Variants in NAMPT observed in about 807,000 individuals in gnomAD.
The protein encoded by NAMPT is nicotinamide phosphoribosyltransferase.
Under a neutral mutation model 58.7 loss-of-function variants are expected in NAMPT, and 7 were observed. The observed-to-expected ratio is 0.12, with a 90% confidence interval of 0.07 to 0.22. The LOEUF (loss-of-function observed/expected upper bound fraction) is 0.22, where lower values mean the gene tolerates loss of function less well. Ranked by LOEUF, NAMPT falls within the 10% of genes least tolerant of loss-of-function variation. NAMPT has a pLI of 1.00. For missense variants in NAMPT, 271 were observed against 567.9 expected, an observed-to-expected ratio of 0.48 and a Z score of 5.31; for synonymous variants, 145 against 198.1, an observed-to-expected ratio of 0.73 and a Z score of 2.25.
At chr7:106,270,425 AC>A (rs1183797179) in intron 4 of NAMPT, 73 of 226,866 alleles carry the variant, frequency 3.2e-4, no homozygotes, top group African/African-American at 1.6e-3. Flanking sequence ...AAAAAGATTA[AC>A]CTTGAACTTG....
At chr7:106,263,078 C>T in intron 7 of NAMPT, 1 of 318,742 alleles carries the variant, frequency 3.1e-6, no homozygotes, top group Admixed American at 4.6e-5. Context: ...AAACAAACTG[C>T]AAATAAGTTT....
intron 2 of NAMPT, chr7:106,275,677 G>C (rs992750798): frequency 1.3e-5 from 2 of 152,186 alleles, no homozygotes; most frequent in East Asian, 3.8e-4. Flanking sequence ...TAAGTTGTAT[G>C]ACTAAATTAA....
In NAMPT at chr7:106,266,959, C is replaced by T. The variant is rs900238574; in HGVS notation, c.743+1505G>A. On this transcript the variant is annotated intron_variant, in intron 6 of 10. Coordinates refer to ENST00000222553, the MANE Select transcript of NAMPT (RefSeq NM_005746.3). ...CCTGAACCTGTCTTCTCAGTCTCCC[C>T]TACGCTCCCTACAAAATCTGTGTTT... Among the ~76,000 whole-genome samples, 4 of 152,292 alleles carry T rather than the reference C, an allele frequency of 2.6e-5. No homozygotes were observed. The South Asian group carries it at 8.3e-4, about 32-fold the overall frequency.
At chr7:106,265,235 T>C (rs1054864246) in intron 6 of NAMPT, among the ~76,000 whole-genome samples, 3 of 152,144 alleles carry the variant, frequency 2.0e-5, no homozygotes, top group African/African-American at 7.2e-5. Flanking sequence ...AACGTATGAA[T>C]TAACTCCTAC....
At chr7:106,268,219 A>C in intron 6 of NAMPT, 1 of 301,688 alleles carries the variant, frequency 3.3e-6, no homozygotes, top group Non-Finnish European at 6.1e-6. Flanking sequence ...TCCTTAAAAG[A>C]AAACTTCTAT....
chr7:106,257,438 G>C (rs1792221703), intron 8 of NAMPT, among the ~76,000 whole-genome samples: 1 of 144,140 alleles, frequency 6.9e-6, no homozygotes. Context: ...CTGGGAAACA[G>C]TGAGACCCCC....
intron 10 of NAMPT, among the ~76,000 whole-genome samples, chr7:106,252,593 A>T (rs186474869): frequency 6.6e-6 from 1 of 152,240 alleles, no homozygotes; most frequent in African/African-American, 2.4e-5. Flanking sequence ...TGTATGCTAA[A>T]GACCATTAGA....
upstream of NAMPT, chr7:106,285,668 C>A: frequency 2.3e-6 from 2 of 856,618 alleles, no homozygotes; most frequent in Non-Finnish European, 2.8e-6. Context: ...GGGCCCCTTT[C>A]ATCTGATGCA....
At chr7:106,257,052 C>G (rs1362485064) in intron 8 of NAMPT, among the ~76,000 whole-genome samples, 8 of 151,454 alleles carry the variant, frequency 5.3e-5, no homozygotes. Context: ...GGCACACGCC[C>G]GTAATCCCAG....
chr7:106,269,359 ATTCT>A, intron 4 of NAMPT, 47 bp from the exon 5 acceptor site: 1 of 1,504,680 alleles, frequency 6.6e-7, no homozygotes, highest in Non-Finnish European at 9.0e-7. Context: ...AAAATACTGC[ATTCT>A]TTCTGAGGAA....
At chr7:106,269,096 G>C (rs1439955117) in intron 5 of NAMPT, 58 bp downstream of exon 5, 4 of 1,498,350 alleles carry the variant, frequency 2.7e-6, no homozygotes, top group Non-Finnish European at 2.7e-6. Context: ...AAAGTTTACA[G>C]TGGTACTCTA....
intron 1 of NAMPT, among the ~76,000 whole-genome samples, chr7:106,283,655 T>C (rs1792807439): frequency 6.6e-6 from 1 of 152,190 alleles, no homozygotes; most frequent in African/African-American, 2.4e-5. Context: ...CTTGATAGTG[T>C]TCGGATTTTG....
chr7:106,263,328 A>C, intron 7 of NAMPT, 64 bp downstream of exon 7: 2 of 1,154,490 alleles, frequency 1.7e-6, no homozygotes, highest in Non-Finnish European at 2.6e-6. Context: ...ATAAATGAAA[A>C]GTAGTATTGA....
intron 3 of NAMPT, 85 bp from the exon 4 acceptor site, chr7:106,272,743 T>C (rs1792560100): frequency 8.9e-6 from 13 of 1,457,182 alleles, no homozygotes; most frequent in African/African-American, 1.4e-5. Flanking sequence ...TTACGTTTTA[T>C]AGAAGCTAAA....
rs1792454290 is a variant in NAMPT at position 106,267,869 on chromosome 7, A to AAAAAAAAAAAC, written c.743+594_743+595insGTTTTTTTTTT. Among the ~76,000 whole-genome samples, 3 of 140,394 alleles carry AAAAAAAAAAAC rather than the reference A, an allele frequency of 2.1e-5. No homozygotes were observed. In the South Asian group the frequency reaches 6.9e-4, roughly 32 times the overall value. The allele number at this position is 140,394 out of a possible 152,430, so 92.1% of individuals were successfully genotyped here. On this transcript the variant is annotated intron_variant, in intron 6 of 10. Coordinates refer to ENST00000222553, the MANE Select transcript of NAMPT (RefSeq NM_005746.3). ...AAAAAAAAAAAAAAAAAAAAAAAAA[A>AAAAAAAAAAAC]AAAAAAACAACCTGATTTACTTTTA...
chr7:106,276,937 AAC>A, intron 2 of NAMPT, 84 bp downstream of exon 2: 1 of 1,091,892 alleles, frequency 9.2e-7, no homozygotes, highest in Non-Finnish European at 1.4e-6. Flanking sequence ...CATCCAAATT[AAC>A]AGATTTGTTA....
At chr7:106,262,873 C>T (rs1290910483) in intron 7 of NAMPT, among the ~76,000 whole-genome samples, 1 of 151,958 alleles carries the variant, frequency 6.6e-6, no homozygotes, top group East Asian at 1.9e-4. Flanking sequence ...GCTATTACTA[C>T]TTTTTGAAGA....
intron 1 of NAMPT, among the ~76,000 whole-genome samples, chr7:106,282,912 C>T (rs965677622): frequency 7.9e-5 from 12 of 152,094 alleles, no homozygotes; most frequent in Admixed American, 2.0e-4. Context: ...CTTCTAACCT[C>T]AAGATTATCA....
chr7:106,285,156 A>C (rs1586032451), upstream of NAMPT: 3 of 1,255,434 alleles, frequency 2.4e-6, no homozygotes, highest in African/African-American at 1.6e-5. Flanking sequence ...TCACCCCGTC[A>C]CCCTCCGGGG....
Sources: gnomAD v4.1 joint callset for allele counts (sites outside exome capture counted in the v4.1 genomes callset) on GRCh38, gnomAD v4.1.1 for gene constraint, MANE v1.5 for transcripts, NCBI Gene and HGNC (gene_info 2026-07-23, HGNC 2026-07-21) for gene names.